Variants in PTPRD observed in about 807,000 individuals in gnomAD.
PTPRD encodes the protein protein tyrosine phosphatase receptor type D.
In PTPRD, 34 loss-of-function variants were observed where a neutral mutation model predicts 214.5. The ratio of observed to expected loss-of-function variants is 0.16; its 90% CI spans 0.12 to 0.21. The LOEUF (loss-of-function observed/expected upper bound fraction) is 0.21, where lower values mean the gene tolerates loss of function less well. Ranked by LOEUF, PTPRD falls within the 10% of genes least tolerant of loss-of-function variation. The probability of loss-of-function intolerance (pLI) is 1.00; values close to 1 mark genes in which losing one functional copy is unlikely to be tolerated. For synonymous variants in PTPRD, 1,128 were observed against 845.7 expected (o/e 1.33, Z -5.79); for missense variants, 2,545 against 2,398.7 (o/e 1.06, Z -1.27).
chr9:9,312,726 G>A, intron 9 of PTPRD, among the ~76,000 whole-genome samples: 1 of 152,114 alleles, frequency 6.6e-6, no homozygotes, highest in South Asian at 2.1e-4. Flanking sequence ...ACTGGAATAG[G>A]CATGTTAGAA....
intron 3 of PTPRD, among the ~76,000 whole-genome samples, chr9:10,309,961 A>C (rs2154416621): frequency 6.6e-6 from 1 of 152,170 alleles, no homozygotes. Flanking sequence ...GCATGTCATA[A>C]AACTTTTAAT....
At chr9:10,016,983 T>A (rs1477450481) in intron 4 of PTPRD, among the ~76,000 whole-genome samples, 2 of 152,162 alleles carry the variant, frequency 1.3e-5, no homozygotes, top group African/African-American at 4.8e-5. Context: ...TTTGTAAGCA[T>A]TTCTTTAGGA....
intron 39 of PTPRD, among the ~76,000 whole-genome samples, chr9:8,375,354 C>T (rs1201455817): frequency 2.0e-5 from 3 of 151,850 alleles, no homozygotes; most frequent in Non-Finnish European, 4.4e-5. Context: ...AACTTATTAC[C>T]TTTGAGTACA....
chr9:9,529,116 T>C (rs1396259371), intron 8 of PTPRD, among the ~76,000 whole-genome samples: 1 of 151,668 alleles, frequency 6.6e-6, no homozygotes, highest in Non-Finnish European at 1.5e-5. Flanking sequence ...GTATCTTTGA[T>C]AGAGATGGGG....
chr9:10,260,984 ATATG>A (rs918676616), intron 3 of PTPRD, among the ~76,000 whole-genome samples: 4 of 147,428 alleles, frequency 2.7e-5, no homozygotes, highest in Non-Finnish European at 5.9e-5. Flanking sequence ...GTGTGTATAT[ATATG>A]TATATATATG....
chr9:9,653,918 A>G (rs1255002461), intron 7 of PTPRD, among the ~76,000 whole-genome samples: 1 of 152,056 alleles, frequency 6.6e-6, no homozygotes, highest in Non-Finnish European at 1.5e-5. Flanking sequence ...TATTTAAATG[A>G]TGTTTCTGGT....
intron 36 of PTPRD, among the ~76,000 whole-genome samples, chr9:8,390,198 G>A (rs1046874690): frequency 6.6e-6 from 1 of 152,226 alleles, no homozygotes; most frequent in East Asian, 1.9e-4. Flanking sequence ...ATTTATTTCA[G>A]ACACTGTAAC....
intron 2 of PTPRD, among the ~76,000 whole-genome samples, chr9:10,387,431 A>T (rs957979903): frequency 1.3e-5 from 2 of 151,862 alleles, no homozygotes; most frequent in Non-Finnish European, 2.9e-5. Flanking sequence ...CAGTTATATC[A>T]GAAGGCATAG....
chr9:8,810,375 C>T (rs796133955), intron 11 of PTPRD, among the ~76,000 whole-genome samples: 82 of 152,306 alleles, frequency 5.4e-4, no homozygotes, highest in African/African-American at 1.9e-3. Context: ...GGTTATCTTC[C>T]TCTTCCTTTG....
chr9:8,459,075 T>A (rs1287522233), intron 33 of PTPRD, among the ~76,000 whole-genome samples: 1 of 151,868 alleles, frequency 6.6e-6, no homozygotes, highest in African/African-American at 2.4e-5. Flanking sequence ...TTTGAAGGAG[T>A]TTCTTTTTTT....
intron 3 of PTPRD, among the ~76,000 whole-genome samples, chr9:10,169,495 C>CAAAAAAAAAAAAAAAAAAAA (rs2099186726): frequency 8.6e-6 from 1 of 116,770 alleles, no homozygotes; most frequent in African/African-American, 3.3e-5. Flanking sequence ...AAAAAAAAAG[C>CAAAAAAAAAAAAAAAAAAAA]AATGAGTAGG....
intron 9 of PTPRD, among the ~76,000 whole-genome samples, chr9:9,252,824 C>G (rs1249716013): frequency 6.6e-6 from 1 of 152,008 alleles, no homozygotes; most frequent in Non-Finnish European, 1.5e-5. Context: ...TCTTTTCTGT[C>G]TTGTTAATCT....
At chr9:9,802,131 A>C (rs117185015) in intron 5 of PTPRD, among the ~76,000 whole-genome samples, 1 of 152,066 alleles carries the variant, frequency 6.6e-6, no homozygotes. Context: ...ATCTCCTTGA[A>C]TTGGTGCAGA....
At position 8,855,548 on chromosome 9, in the gene PTPRD, TGA is replaced by T. The variant is rs1394410274; in HGVS notation, c.-103-121604_-103-121603del. Among the ~76,000 whole-genome samples the T allele has an allele frequency of 2.0e-5, 3 of 152,302 alleles. No homozygotes were observed. In the East Asian group the frequency reaches 5.8e-4, roughly 29 times the overall value. On this transcript the variant is annotated intron_variant, in intron 11 of 45. Transcript: ENST00000381196. ...TTACTCAACTATATTAAAATATATT[TGA>T]GAGAGACAGTGTTCCTATTTGAATC...
rs202240778 is a variant in PTPRD, at chr9:10,115,032, G to GA, written c.-544-81243dup. ...TCTTGGAGCATTACTTATTGGATAAGAAAAAAAAACGAGAAAAAAAAAACC... is the reference window on the plus strand; with the variant it reads ...TCTTGGAGCATTACTTATTGGATAAGAAAAAAAAAACGAGAAAAAAAAAACC... On this transcript the variant is annotated intron_variant, in intron 3 of 45. Coordinates refer to ENST00000381196, the MANE Select transcript of PTPRD (RefSeq NM_002839.4). Among the ~76,000 whole-genome samples, 221 of 135,822 alleles carry GA rather than the reference G, an allele frequency of 1.6e-3. 1 individual carries two copies. The highest frequency in any genetic ancestry group is 5.2e-3 in the African/African-American group (191 of 36,912). The allele number at this position is 135,822 out of a possible 152,430, so 89.1% of individuals were successfully genotyped here.
intron 8 of PTPRD, among the ~76,000 whole-genome samples, chr9:9,411,112 C>A (rs1388995906): frequency 6.6e-6 from 1 of 151,988 alleles, no homozygotes; most frequent in Non-Finnish European, 1.5e-5. Flanking sequence ...AAGAAGTGAA[C>A]CACAAGGTGG....
intron 10 of PTPRD, among the ~76,000 whole-genome samples, chr9:9,082,991 G>C (rs1369644516): frequency 6.6e-6 from 1 of 152,104 alleles, no homozygotes; most frequent in African/African-American, 2.4e-5. Flanking sequence ...GTAATTTATA[G>C]ATTCAATGCT....
chr9:8,644,802 C>T (rs181848664), intron 12 of PTPRD, among the ~76,000 whole-genome samples: 5 of 152,348 alleles, frequency 3.3e-5, no homozygotes, highest in African/African-American at 9.6e-5. Context: ...CGTTCACTCA[C>T]ACACCCCTTG....
At chr9:8,734,508 T>A (rs779248575) in intron 11 of PTPRD, among the ~76,000 whole-genome samples, 3 of 152,260 alleles carry the variant, frequency 2.0e-5, no homozygotes, top group Non-Finnish European at 4.4e-5. Flanking sequence ...CACATCAATG[T>A]TCAAGTCTAG....
Sources: allele counts gnomAD v4.1 joint callset (sites outside exome capture counted in the v4.1 genomes callset), GRCh38; gene constraint gnomAD v4.1.1; transcripts MANE v1.5; gene names NCBI Gene and HGNC (gene_info 2026-07-23, HGNC 2026-07-21).